The following CNTN5 variants were observed in gnomAD, a reference collection of about 807,000 sequenced individuals.
The protein encoded by CNTN5 is contactin-5.
A neutral mutation model predicts 129.1 loss-of-function variants in CNTN5; 77 were observed. The observed-to-expected ratio is 0.60, with a 90% CI of 0.50 to 0.72. The LOEUF (loss-of-function observed/expected upper bound fraction) is 0.72, where lower values mean the gene tolerates loss of function less well. CNTN5 is among the 30% of genes least tolerant of loss of function. The probability of loss-of-function intolerance (pLI) is 0.00; values close to 1 mark genes in which losing one functional copy is unlikely to be tolerated. For missense variants in CNTN5, 1,478 were observed against 1,328.8 expected (o/e 1.11, Z -1.75); for synonymous variants, 509 against 465.6 (o/e 1.09, Z -1.20).
At chr11:99,581,644 A>C (rs1949598039) in intron 3 of CNTN5, among the ~76,000 whole-genome samples, 1 of 152,150 alleles carries the variant, frequency 6.6e-6, no homozygotes, top group African/African-American at 2.4e-5. Flanking sequence ...ATCCGAGACT[A>C]GGATTGCAAC....
chr11:100,322,855 A>T (rs893461839), intron 21 of CNTN5, among the ~76,000 whole-genome samples: 4 of 152,180 alleles, frequency 2.6e-5, no homozygotes, highest in African/African-American at 9.7e-5. Flanking sequence ...ATTTTTAAAA[A>T]TATCTGATAT....
intron 16 of CNTN5, among the ~76,000 whole-genome samples, chr11:100,234,661 G>A (rs1949570240): frequency 6.6e-6 from 1 of 151,794 alleles, no homozygotes. Flanking sequence ...GGGGTGGTTG[G>A]GGGCTAGGGG....
intron 2 of CNTN5, among the ~76,000 whole-genome samples, chr11:99,404,723 G>A (rs1591633915): frequency 6.6e-6 from 1 of 152,056 alleles, no homozygotes; most frequent in Non-Finnish European, 1.5e-5. Context: ...GTCTTAAAAC[G>A]TTGTCATAGT....
intron 7 of CNTN5, among the ~76,000 whole-genome samples, chr11:99,921,615 G>A (rs570857825): frequency 4.3e-4 from 65 of 152,054 alleles, no homozygotes; most frequent in African/African-American, 1.5e-3. Context: ...TATACTGCAC[G>A]CATTTACTTA....
Position 100,080,362 on chromosome 11 carries a change from C to A in CNTN5, c.1580+6068C>A, listed in dbSNP as rs1170905779. ...TTGTCCAAAATCTGACATAATGGCC[C>A]CCTGCTCACTAAAGGAGCTTCAGAA... On this transcript the variant is annotated intron_variant, in intron 13 of 24. Coordinates refer to ENST00000524871, the MANE Select transcript of CNTN5 (RefSeq NM_014361.4). 3.3e-5 allele frequency among the ~76,000 whole-genome samples: 5 copies of A among 152,098 alleles called. No individual in the cohort carries two copies. In the East Asian group the frequency reaches 5.8e-4, roughly 18 times the overall value.
At chr11:99,830,009 G>A (rs889355042) in intron 4 of CNTN5, among the ~76,000 whole-genome samples, 7 of 152,190 alleles carry the variant, frequency 4.6e-5, no homozygotes, top group Non-Finnish European at 5.9e-5. Context: ...ATTAAGTGTA[G>A]GGTGCATTTC....
chr11:99,981,085 TATATATATATATATATATAC>T (rs1235253786), intron 8 of CNTN5, among the ~76,000 whole-genome samples: 1 of 71,128 alleles, frequency 1.4e-5, no homozygotes, highest in Non-Finnish European at 2.8e-5. Flanking sequence ...AGGATATATA[TATATATATATATATATATAC>T]ACACACACAC....
chr11:100,113,260 A>G (rs547858786), intron 13 of CNTN5, among the ~76,000 whole-genome samples: 1 of 151,926 alleles, frequency 6.6e-6, no homozygotes, highest in East Asian at 1.9e-4. Flanking sequence ...ATAAATGTAA[A>G]GTATTAATTA....
At chr11:100,115,014 A>T (rs1945793027) in intron 13 of CNTN5, among the ~76,000 whole-genome samples, 1 of 149,434 alleles carries the variant, frequency 6.7e-6, no homozygotes, top group Admixed American at 6.8e-5. Context: ...TGACACCATT[A>T]GTCTTCACCA....
chr11:100,053,210 G>A (rs535721871), intron 9 of CNTN5, among the ~76,000 whole-genome samples: 1 of 151,382 alleles, frequency 6.6e-6, no homozygotes, highest in African/African-American at 2.4e-5. Context: ...TCTTAAGACA[G>A]AAAACGAAAA....
intron 13 of CNTN5, among the ~76,000 whole-genome samples, chr11:100,183,643 A>G (rs61315699): frequency 0.031 from 4,752 of 152,214 alleles, 249 homozygotes; most frequent in African/African-American, 0.11. Context: ...GGGGAATGCA[A>G]GGGAACACAG....
At position 99,169,684 on chromosome 11, in the gene CNTN5, A is replaced by G. The variant is rs1042220979; in HGVS notation, c.-210+148414A>G. On this transcript the variant is annotated intron_variant, in intron 1 of 24. Coordinates refer to ENST00000524871, the MANE Select transcript of CNTN5 (RefSeq NM_014361.4). ...AGTAGTAAGGGGTAAAGAGAAAGAAAATTTCAAAAAGAGGAAGATAAAGGG... is the reference window on the plus strand; with the variant it reads ...AGTAGTAAGGGGTAAAGAGAAAGAAGATTTCAAAAAGAGGAAGATAAAGGG... 3.3e-5 allele frequency among the ~76,000 whole-genome samples: 5 copies of G among 152,168 alleles called. No homozygotes were observed. The South Asian group carries it at 1.0e-3, about 32-fold the overall frequency.
intron 2 of CNTN5, among the ~76,000 whole-genome samples, chr11:99,428,577 A>C (rs1013217379): frequency 6.7e-6 from 1 of 150,300 alleles, no homozygotes; most frequent in Non-Finnish European, 1.5e-5. Context: ...AAAAAAAAAA[A>C]GGAAAAAAAA....
chr11:99,065,695 C>A (rs1196303864), intron 1 of CNTN5, among the ~76,000 whole-genome samples: 1 of 151,840 alleles, frequency 6.6e-6, no homozygotes, highest in Non-Finnish European at 1.5e-5. Context: ...TGAAACCATA[C>A]CACCTACACA....
At chr11:99,584,955 A>G (rs1186962546) in intron 3 of CNTN5, among the ~76,000 whole-genome samples, 2 of 122,444 alleles carry the variant, frequency 1.6e-5, no homozygotes, top group Non-Finnish European at 1.9e-5. Flanking sequence ...CAATGGCAAC[A>G]TTCAAGCTTT....
chr11:100,020,392 T>A (rs1256115803), intron 9 of CNTN5, among the ~76,000 whole-genome samples: 1 of 152,056 alleles, frequency 6.6e-6, no homozygotes. Flanking sequence ...AGACTGTCCT[T>A]TCCTCATGGT....
chr11:99,747,772 G>GGCCA (rs1438667802), intron 3 of CNTN5, among the ~76,000 whole-genome samples: 1 of 152,002 alleles, frequency 6.6e-6, no homozygotes, highest in Non-Finnish European at 1.5e-5. Flanking sequence ...GCACCCGGCC[G>GGCCA]GCCAGCATTC....
intron 2 of CNTN5, among the ~76,000 whole-genome samples, chr11:99,542,210 G>A (rs1218986418): frequency 2.0e-5 from 3 of 151,820 alleles, no homozygotes; most frequent in Non-Finnish European, 4.4e-5. Context: ...CTCTCTTCTA[G>A]CAATTTATTG....
chr11:99,949,053 A>G (rs1005466981), intron 7 of CNTN5, among the ~76,000 whole-genome samples: 2 of 152,192 alleles, frequency 1.3e-5, no homozygotes, highest in African/African-American at 2.4e-5. Context: ...AGTGGGATCA[A>G]TCTTAAGCTA....
Sources: allele counts gnomAD v4.1 joint callset (sites outside exome capture counted in the v4.1 genomes callset), GRCh38; gene constraint gnomAD v4.1.1; transcripts MANE v1.5; gene names NCBI Gene and HGNC (gene_info 2026-07-23, HGNC 2026-07-21).